Variants in VPS13B observed in about 807,000 individuals in gnomAD.
The protein encoded by VPS13B is intermembrane lipid transfer protein VPS13B.
In VPS13B, 285 loss-of-function variants were observed where a neutral mutation model predicts 426.4. That is an observed-to-expected ratio of 0.67 (90% confidence interval 0.61 to 0.74). The LOEUF is 0.74. VPS13B is among the 30% of genes least tolerant of loss of function. The probability of loss-of-function intolerance (pLI) is 0.00; values close to 1 mark genes in which losing one functional copy is unlikely to be tolerated. For synonymous variants in VPS13B, 1,676 were observed against 1,676.4 expected (o/e 1.00, Z 0.01); for missense variants, 4,537 against 4,782.6 (o/e 0.95, Z 1.51).
chr8:99,013,467 T>A (rs542085864), intron 1 of VPS13B, 120 bp downstream of exon 1: 2 of 376,026 alleles, frequency 5.3e-6, no homozygotes, highest in East Asian at 1.3e-4. Flanking sequence ...GGTGGCTGGG[T>A]TGGTGAAGGG....
At chr8:99,684,300 T>G (rs1831282032) in intron 35 of VPS13B, among the ~76,000 whole-genome samples, 1 of 152,228 alleles carries the variant, frequency 6.6e-6, no homozygotes, top group East Asian at 1.9e-4. Flanking sequence ...GTATCGGTAA[T>G]GATGGTCTCA....
intron 15 of VPS13B, among the ~76,000 whole-genome samples, chr8:99,159,447 C>T (rs904668936): frequency 6.6e-6 from 1 of 152,142 alleles, no homozygotes; most frequent in African/African-American, 2.4e-5. Flanking sequence ...TCAAATCAAT[C>T]ATCAATGCCT....
intron 34 of VPS13B, 124 bp downstream of exon 34, chr8:99,642,622 G>A: frequency 1.2e-6 from 1 of 828,580 alleles, no homozygotes; most frequent in Admixed American, 2.4e-5. Context: ...ACAGAATATG[G>A]AAAGTTCATG....
At chr8:99,875,312 G>T in intron 61 of VPS13B, 106 bp from the exon 62 acceptor site, 1 of 1,462,652 alleles carries the variant, frequency 6.8e-7, no homozygotes, top group Non-Finnish European at 9.5e-7. Context: ...TTTAATAGAT[G>T]ACCTAAAAGG....
chr8:99,856,566 C>A (rs1016823956), intron 56 of VPS13B, among the ~76,000 whole-genome samples: 1 of 152,188 alleles, frequency 6.6e-6, no homozygotes, highest in South Asian at 2.1e-4. Context: ...ACAGGCCGGG[C>A]GCAGTGGCTC....
chr8:99,481,813 T>C lies in VPS13B; in HGVS notation c.3870+11T>C, dbSNP rs1820052898. ...GGGACTACTACTGAGGTAAGTGTTT[T>C]TGAAAATCCTGTTACAAAATGAAGG... On this transcript the variant is annotated intron_variant, in intron 25 of 61. Transcript: ENST00000357162. 1 of 1,613,364 alleles carries C rather than the reference T, an allele frequency of 6.2e-7. No individual in the cohort carries two copies. The highest frequency in any genetic ancestry group is 8.5e-7 in the Non-Finnish European group (1 of 1,179,634).
intron 3 of VPS13B, among the ~76,000 whole-genome samples, chr8:99,046,912 T>C (rs1316094428): frequency 1.3e-5 from 2 of 152,194 alleles, no homozygotes; most frequent in Non-Finnish European, 2.9e-5. Context: ...TTTTGATATA[T>C]TGTTGGATTC....
intron 13 of VPS13B, among the ~76,000 whole-genome samples, chr8:99,146,866 G>A (rs1810759908): frequency 6.6e-6 from 1 of 151,954 alleles, no homozygotes; most frequent in Non-Finnish European, 1.5e-5. Context: ...CACTGTGCTG[G>A]CACTTGACTC....
chr8:99,200,811 CA>C (rs1198446231), intron 17 of VPS13B, among the ~76,000 whole-genome samples: 2 of 151,982 alleles, frequency 1.3e-5, no homozygotes, highest in Non-Finnish European at 2.9e-5. Flanking sequence ...ATATGATTTG[CA>C]AATGTTTCCT....
intron 7 of VPS13B, among the ~76,000 whole-genome samples, chr8:99,118,330 T>G (rs958737849): frequency 1.3e-5 from 2 of 152,180 alleles, no homozygotes; most frequent in Non-Finnish European, 2.9e-5. Flanking sequence ...TTACATACAT[T>G]GCTACACTTC....
intron 31 of VPS13B, among the ~76,000 whole-genome samples, chr8:99,560,895 A>G (rs1477322673): frequency 1.3e-5 from 2 of 152,202 alleles, no homozygotes; most frequent in African/African-American, 4.8e-5. Context: ...AAATTCTATC[A>G]TAACAAAGAA....
intron 21 of VPS13B, among the ~76,000 whole-genome samples, chr8:99,422,459 C>G (rs1268211343): frequency 6.6e-6 from 1 of 151,998 alleles, no homozygotes; most frequent in Non-Finnish European, 1.5e-5. Flanking sequence ...AATAATAGTA[C>G]TCATATAGTA....
intron 43 of VPS13B, among the ~76,000 whole-genome samples, chr8:99,785,898 T>A (rs1812236251): frequency 6.6e-6 from 1 of 152,170 alleles, no homozygotes; most frequent in Admixed American, 6.5e-5. Context: ...TCTGAGAAGC[T>A]GCAGTAACAT....
At chr8:99,427,699 T>C (rs909090123) in intron 21 of VPS13B, among the ~76,000 whole-genome samples, 2 of 151,714 alleles carry the variant, frequency 1.3e-5, no homozygotes, top group African/African-American at 4.8e-5. Context: ...ATCGTGAAAA[T>C]GGCCATACTG....
Position 99,531,463 on chromosome 8 carries a change from CTT to C in VPS13B, c.4745+10456_4745+10457del, listed in dbSNP as rs1437036049. On this transcript the variant is annotated intron_variant, in intron 30 of 61. Transcript: ENST00000357162. ...ATTATAAAACAGAAGTGTTATGAAT[CTT>C]TTCTCTTTTCTCCTAGTAAAATTTA... 2.0e-5 allele frequency among the ~76,000 whole-genome samples: 3 copies of C among 151,960 alleles called. No individual in the cohort carries two copies. The East Asian group carries it at 5.8e-4, about 29-fold the overall frequency.
At chr8:99,324,368 A>G (rs1462499609) in intron 19 of VPS13B, among the ~76,000 whole-genome samples, 1 of 152,190 alleles carries the variant, frequency 6.6e-6, no homozygotes, top group Admixed American at 6.5e-5. Context: ...CCTCAATCAG[A>G]TAGCTAATTT....
chr8:99,304,823 C>T (rs1053801370), intron 19 of VPS13B, among the ~76,000 whole-genome samples: 41 of 152,104 alleles, frequency 2.7e-4, no homozygotes, highest in Middle Eastern at 3.2e-3. Flanking sequence ...TAAACCTTCT[C>T]TGTAAGACAG....
chr8:99,033,016 G>A (rs1308880802), intron 2 of VPS13B, among the ~76,000 whole-genome samples: 1 of 152,004 alleles, frequency 6.6e-6, no homozygotes, highest in Non-Finnish European at 1.5e-5. Flanking sequence ...CTTGTTAAAA[G>A]TTCAACTATA....
intron 33 of VPS13B, among the ~76,000 whole-genome samples, chr8:99,581,601 A>C (rs1041173180): frequency 6.6e-6 from 1 of 152,080 alleles, no homozygotes; most frequent in Non-Finnish European, 1.5e-5. Context: ...CTTTAAATGA[A>C]CCTTATTTCT....
Sources: allele counts gnomAD v4.1 joint callset (sites outside exome capture counted in the v4.1 genomes callset), GRCh38; gene constraint gnomAD v4.1.1; transcripts MANE v1.5; gene names NCBI Gene and HGNC (gene_info 2026-07-23, HGNC 2026-07-21).